RNF216: variants seen among roughly 807,000 people sequenced by gnomAD.
RNF216 encodes the protein ring finger protein 216.
A neutral mutation model predicts 110.8 loss-of-function variants in RNF216; 72 were observed. The observed-to-expected ratio is 0.65, with a 90% confidence interval of 0.54 to 0.79. RNF216 has a LOEUF of 0.79. Ranked by LOEUF, RNF216 falls within the 30% of genes least tolerant of loss-of-function variation. RNF216 has a pLI of 0.00. For missense variants in RNF216, 1,342 were observed against 1,141.2 expected (o/e 1.18, Z -2.54); for synonymous variants, 495 against 407.5 (o/e 1.21, Z -2.59).
chr7:5,698,382 T>TACAC (rs1301943842), intron 13 of RNF216, among the ~76,000 whole-genome samples: 3 of 76,434 alleles, frequency 3.9e-5, no homozygotes, highest in Non-Finnish European at 5.6e-5. Flanking sequence ...TAGATTCTTT[T>TACAC]ATACACACAC....
At chr7:5,748,146 A>C (rs1795136666) in intron 3 of RNF216, among the ~76,000 whole-genome samples, 2 of 152,182 alleles carry the variant, frequency 1.3e-5, no homozygotes, top group Admixed American at 6.5e-5. Flanking sequence ...CTTAACACAG[A>C]CAGAGGACTG....
chr7:5,760,423 G>A (rs1251180393), intron 2 of RNF216: 24 of 368,992 alleles, frequency 6.5e-5, no homozygotes, highest in Middle Eastern at 6.7e-4. Flanking sequence ...GGCTCAGACC[G>A]GAGAATCATT....
At chr7:5,643,293 A>G (rs1221965378) in intron 14 of RNF216, among the ~76,000 whole-genome samples, 2 of 151,902 alleles carry the variant, frequency 1.3e-5, no homozygotes, top group Non-Finnish European at 2.9e-5. Context: ...TGTGGTGACT[A>G]CCTAGCCAGT....
Position 5,741,734 on chromosome 7 carries a change from TTTC to T in RNF216, c.280_282del (p.Glu94del). 6 of 1,614,206 alleles carry T rather than the reference TTTC, an allele frequency of 3.7e-6. No individual in the cohort carries two copies. Among genetic ancestry groups the T allele is most frequent in the Non-Finnish European group, 5.1e-6 (6 of 1,180,046 alleles). On this transcript the variant is annotated inframe_deletion, in exon 4 of 17. Coordinates refer to ENST00000389902, the MANE Select transcript of RNF216 (RefSeq NM_207111.4). ...AATGCTGCTCTAGACTTTTTAGGCC[TTTC>T]TTCTCCCAACCTTTTCAGATCTTGC...
intron 13 of RNF216, among the ~76,000 whole-genome samples, chr7:5,664,771 GT>G (rs1248284802): frequency 6.6e-6 from 1 of 152,202 alleles, no homozygotes; most frequent in Non-Finnish European, 1.5e-5. Flanking sequence ...CCTGGGTCCA[GT>G]TCTTAAAGGA....
At chr7:5,754,938 G>C (rs1795539641) in intron 2 of RNF216, among the ~76,000 whole-genome samples, 1 of 151,540 alleles carries the variant, frequency 6.6e-6, no homozygotes, top group African/African-American at 2.4e-5. Context: ...TGAGGCAGGA[G>C]AATCGCTTTA....
At position 5,741,540 on chromosome 7, in the gene RNF216, T is replaced by G. The variant is rs765513171; in HGVS notation, c.477A>C (p.Gly159=). Residue 159 remains glycine (G), a synonymous_variant, in exon 4 of 17, where the codon GGA becomes GGC. Coordinates refer to ENST00000389902, the MANE Select transcript of RNF216 (RefSeq NM_207111.4). ...SGQTEREPKP[G]PSHNQAANDI... ...CATTTGCTGCTTGGTTATGACTCGG[T>G]CCAGGCTTGGGTTCTCTTTCTGTTT... 1.9e-6 allele frequency: 3 copies of G among 1,614,210 alleles called. No individual in the cohort carries two copies. Among genetic ancestry groups the G allele is most frequent in the Non-Finnish European group, 2.5e-6 (3 of 1,180,044 alleles).
intron 13 of RNF216, among the ~76,000 whole-genome samples, chr7:5,693,291 G>A (rs1261989053): frequency 6.6e-6 from 1 of 152,146 alleles, no homozygotes; most frequent in Non-Finnish European, 1.5e-5. Context: ...CGCAAAGCCT[G>A]AAATATTTAC....
intron 5 of RNF216, among the ~76,000 whole-genome samples, chr7:5,736,420 T>C (rs1794402390): frequency 1.3e-5 from 2 of 152,204 alleles, no homozygotes; most frequent in Non-Finnish European, 2.9e-5. Context: ...GTTCACTCAG[T>C]GCTCAGTGTT....
rs1797098707 is a variant in RNF216, at chr7:5,781,625, G to GA, written c.-155_-154insT. 6.6e-6 allele frequency: 1 copy of GA among 152,292 alleles called. No homozygotes were observed. Among genetic ancestry groups the GA allele is most frequent in the Admixed American group, 6.5e-5 (1 of 15,286 alleles). The allele number at this position is 152,292 out of a possible 1,614,324, so 9.4% of individuals were successfully genotyped here. A position where few individuals can be genotyped will look rare whatever the true frequency, so the allele number is the denominator to read the frequency against. On this transcript the variant is annotated 5_prime_UTR_variant, in exon 1 of 17. Transcript: ENST00000389902. ...TACTCCTCAGAAGCCGCAGCTGCGA[G>GA]CTCCGTGGCAGCCGCTGCACTCCTT...
chr7:5,654,875 C>T (rs563051044), intron 13 of RNF216, among the ~76,000 whole-genome samples: 14 of 151,876 alleles, frequency 9.2e-5, no homozygotes, highest in African/African-American at 2.9e-4. Flanking sequence ...TATTACCCAC[C>T]GAAACATACA....
At chr7:5,706,040 G>A (rs188592608) in intron 13 of RNF216, among the ~76,000 whole-genome samples, 1 of 151,820 alleles carries the variant, frequency 6.6e-6, no homozygotes, top group East Asian at 1.9e-4. Flanking sequence ...CTAACATGGT[G>A]AAACCCCGTC....
intron 2 of RNF216, among the ~76,000 whole-genome samples, chr7:5,754,884 C>T (rs773500706): frequency 2.0e-5 from 3 of 151,776 alleles, no homozygotes; most frequent in South Asian, 2.1e-4. Context: ...AAAAATTAGC[C>T]GGGTGTGGTG....
chr7:5,647,027 G>A (rs1788090010), intron 14 of RNF216, among the ~76,000 whole-genome samples: 1 of 152,116 alleles, frequency 6.6e-6, no homozygotes, highest in Non-Finnish European at 1.5e-5. Flanking sequence ...GTTACTCATT[G>A]CCTCAGGCAG....
At chr7:5,758,657 G>A (rs543583999) in intron 2 of RNF216, among the ~76,000 whole-genome samples, 2 of 152,302 alleles carry the variant, frequency 1.3e-5, no homozygotes, top group African/African-American at 4.8e-5. Flanking sequence ...TTGGACTTGT[G>A]TGGGACCTCT....
At chr7:5,707,227 T>C (rs1792351185) in intron 13 of RNF216, among the ~76,000 whole-genome samples, 1 of 152,238 alleles carries the variant, frequency 6.6e-6, no homozygotes, top group South Asian at 2.1e-4. Context: ...CTTAAGACTG[T>C]CTAGGATATT....
At position 5,622,722 on chromosome 7, in the gene RNF216, A is replaced by AT. The variant is rs930854639; in HGVS notation, c.*137_*138insA. On this transcript the variant is annotated 3_prime_UTR_variant, in exon 17 of 17. Coordinates refer to ENST00000389902, the MANE Select transcript of RNF216 (RefSeq NM_207111.4). ...CCAGGAGCAGTAGCCCTTCTAGGAA[A>AT]GGGGTGGGAAGAAAACCAGCCTACC... 2.5e-6 allele frequency: 2 copies of AT among 801,102 alleles called. No individual in the cohort carries two copies. Among genetic ancestry groups the AT allele is most frequent in the Non-Finnish European group, 4.0e-6 (2 of 505,940 alleles). The allele number at this position is 801,102 out of a possible 1,614,324, so 49.6% of individuals were successfully genotyped here. A position where few individuals can be genotyped will look rare whatever the true frequency, so the allele number is the denominator to read the frequency against.
chr7:5,682,905 G>A (rs1393567756), intron 13 of RNF216, among the ~76,000 whole-genome samples: 5 of 152,100 alleles, frequency 3.3e-5, no homozygotes, highest in Admixed American at 6.5e-5. Flanking sequence ...TTTGCATTGC[G>A]TTAATGTAGC....
chr7:5,683,263 A>T (rs1361922782), intron 13 of RNF216, among the ~76,000 whole-genome samples: 5 of 149,486 alleles, frequency 3.3e-5, no homozygotes, highest in South Asian at 2.1e-4. Flanking sequence ...TTTATTCATT[A>T]AAAAAAAAGG....
Sources: allele counts gnomAD v4.1 joint callset (sites outside exome capture counted in the v4.1 genomes callset), GRCh38; gene constraint gnomAD v4.1.1; transcripts MANE v1.5; gene names NCBI Gene and HGNC (gene_info 2026-07-23, HGNC 2026-07-21).